MBNL2: variants seen among roughly 807,000 people sequenced by gnomAD.
MBNL2 encodes muscleblind-like protein 2.
Under a neutral mutation model 41.9 loss-of-function variants are expected in MBNL2, and 17 were observed. The ratio of observed to expected loss-of-function variants is 0.41; its 90% confidence interval spans 0.28 to 0.61. The LOEUF (loss-of-function observed/expected upper bound fraction) is 0.61. Among genes scored for constraint, MBNL2 ranks in the 20% least tolerant of loss-of-function variants. The probability of loss-of-function intolerance (pLI) is 0.35; values close to 1 mark genes in which losing one functional copy is unlikely to be tolerated. For synonymous variants in MBNL2, 195 were observed against 182.9 expected, an observed-to-expected ratio of 1.07 and a Z score of -0.53; for missense variants, 336 against 505.6, an observed-to-expected ratio of 0.66 and a Z score of 3.22.
At chr13:97,202,385 G>C in the MBNL2 span, among the ~76,000 whole-genome samples, 1 of 152,152 alleles carries the variant, frequency 6.6e-6, no homozygotes, top group Non-Finnish European at 1.5e-5. Flanking sequence ...GGCCAGATTT[G>C]AATTTCGGAT....
chr13:97,154,274 A>ATTCTCATAAAAATTTTAAAT, the MBNL2 span, among the ~76,000 whole-genome samples: 2 of 152,104 alleles, frequency 1.3e-5, no homozygotes, highest in African/African-American at 2.4e-5. Context: ...TAGCTTTCAC[A>ATTCTCATAAAAATTTTAAAT]GAGGCTTTTA....
intron 1 of MBNL2, among the ~76,000 whole-genome samples, chr13:97,244,465 G>A (rs997846687): frequency 6.6e-6 from 1 of 152,180 alleles, no homozygotes; most frequent in Non-Finnish European, 1.5e-5. Context: ...AACAAATAGA[G>A]ACAAGTCAAC....
At chr13:97,195,129 C>G in the MBNL2 span, among the ~76,000 whole-genome samples, 3 of 152,144 alleles carry the variant, frequency 2.0e-5, no homozygotes, top group Non-Finnish European at 4.4e-5. Context: ...GATTGGGACC[C>G]CTTTCTGGTA....
chr13:97,336,307 T>C (rs761668984), intron 3 of MBNL2, among the ~76,000 whole-genome samples: 1 of 152,060 alleles, frequency 6.6e-6, no homozygotes, highest in Non-Finnish European at 1.5e-5. Flanking sequence ...TACAAACAAA[T>C]TAATTCAGTC....
chr13:97,280,545 G>A (rs1291874947), intron 2 of MBNL2, among the ~76,000 whole-genome samples: 1 of 152,174 alleles, frequency 6.6e-6, no homozygotes, highest in African/African-American at 2.4e-5. Flanking sequence ...TTTAACACCT[G>A]CATCAGATGA....
chr13:97,249,814 C>T (rs762088495), intron 1 of MBNL2, among the ~76,000 whole-genome samples: 43 of 152,148 alleles, frequency 2.8e-4, no homozygotes, highest in Non-Finnish European at 5.3e-4. Flanking sequence ...ATTAGGTTTC[C>T]CCCCTCAAAG....
chr13:97,193,064 T>C, the MBNL2 span, among the ~76,000 whole-genome samples: 11 of 152,158 alleles, frequency 7.2e-5, no homozygotes, highest in African/African-American at 2.4e-4. Flanking sequence ...TTTAGCTCAG[T>C]GGTTACATGG....
At position 97,276,116 on chromosome 13, in the gene MBNL2, T is replaced by C; in HGVS notation, c.-120T>C. The C allele has an allele frequency of 1.3e-6, 1 of 741,880 alleles. No individual in the cohort carries two copies. Among genetic ancestry groups the C allele is most frequent in the Non-Finnish European group, 2.3e-6 (1 of 439,364 alleles). The allele number at this position is 741,880 out of a possible 1,614,324, so 46.0% of individuals were successfully genotyped here. Reference sequence around the variant, plus strand: ...CCTTGGATTGGACTTCACTAAGCAATTTATCACTCACCTTCAGACTTACAT... The same window carrying C: ...CCTTGGATTGGACTTCACTAAGCAACTTATCACTCACCTTCAGACTTACAT... On this transcript the variant is annotated 5_prime_UTR_variant, in exon 2 of 9. Transcript: ENST00000679496.
intron 2 of MBNL2, among the ~76,000 whole-genome samples, chr13:97,280,003 A>G (rs969295575): frequency 2.0e-5 from 3 of 152,188 alleles, no homozygotes; most frequent in Non-Finnish European, 4.4e-5. Flanking sequence ...ATTATTATGA[A>G]CAGTAGACAT....
the MBNL2 span, among the ~76,000 whole-genome samples, chr13:97,159,097 A>G: frequency 2.6e-5 from 4 of 152,130 alleles, no homozygotes; most frequent in Non-Finnish European, 5.9e-5. Context: ...GGGTGCATAT[A>G]TATTTATGAT....
chr13:97,161,570 T>G, the MBNL2 span, among the ~76,000 whole-genome samples: 10 of 152,186 alleles, frequency 6.6e-5, no homozygotes, highest in Non-Finnish European at 1.5e-4. Context: ...CTCTGAGTAT[T>G]CATTATAATT....
At chr13:97,251,084 T>A (rs1285185448) in intron 1 of MBNL2, among the ~76,000 whole-genome samples, 1 of 151,520 alleles carries the variant, frequency 6.6e-6, no homozygotes, top group Non-Finnish European at 1.5e-5. Context: ...ACTTAGGAGT[T>A]TTCTGTAAAA....
chr13:97,228,375 A>C (rs2041936727), intron 1 of MBNL2, among the ~76,000 whole-genome samples: 1 of 152,198 alleles, frequency 6.6e-6, no homozygotes, highest in African/African-American at 2.4e-5. Flanking sequence ...GCAGAAAAAA[A>C]AGCTCAAGGT....
intron 8 of MBNL2, among the ~76,000 whole-genome samples, chr13:97,371,873 C>G (rs1175545177): frequency 6.6e-6 from 1 of 152,234 alleles, no homozygotes; most frequent in African/African-American, 2.4e-5. Flanking sequence ...TGATGTGAAA[C>G]TCAGTCCCTG....
chr13:97,148,225 T>A, the MBNL2 span, among the ~76,000 whole-genome samples: 1 of 152,332 alleles, frequency 6.6e-6, no homozygotes, highest in East Asian at 1.9e-4. Flanking sequence ...CTTGTATGAT[T>A]AGCAAATGTT....
chr13:97,243,874 T>C (rs1411188648), intron 1 of MBNL2, among the ~76,000 whole-genome samples: 1 of 152,170 alleles, frequency 6.6e-6, no homozygotes, highest in Non-Finnish European at 1.5e-5. Flanking sequence ...ATGGATCTTA[T>C]TTTGTTATCA....
At chr13:97,364,933 G>T (rs2063734037) in intron 7 of MBNL2, among the ~76,000 whole-genome samples, 1 of 152,218 alleles carries the variant, frequency 6.6e-6, no homozygotes, top group Non-Finnish European at 1.5e-5. Context: ...GGTCTAAGGA[G>T]TGAGCTTGGA....
intron 8 of MBNL2, among the ~76,000 whole-genome samples, chr13:97,386,109 C>T (rs932176880): frequency 2.6e-5 from 4 of 152,206 alleles, no homozygotes; most frequent in African/African-American, 7.2e-5. Flanking sequence ...CACATACTCT[C>T]TTTCTTTGGG....
chr13:97,249,820 CA>C (rs1217450772), intron 1 of MBNL2, among the ~76,000 whole-genome samples: 1 of 152,184 alleles, frequency 6.6e-6, no homozygotes, highest in African/African-American at 2.4e-5. Flanking sequence ...TTTCCCCCCT[CA>C]AAGTTCTATA....
Sources: allele counts gnomAD v4.1 joint callset (sites outside exome capture counted in the v4.1 genomes callset), GRCh38; gene constraint gnomAD v4.1.1; transcripts MANE v1.5; gene names NCBI Gene and HGNC (gene_info 2026-07-23, HGNC 2026-07-21).